EML1: variants seen among roughly 807,000 people sequenced by gnomAD.
EML1 encodes the protein echinoderm microtubule-associated protein-like 1.
In EML1, 27 loss-of-function variants were observed where a neutral mutation model predicts 110.4. That is an observed-to-expected ratio of 0.24 (90% CI 0.18 to 0.34). EML1 has a LOEUF of 0.34. Ranked by LOEUF, EML1 falls within the 10% of genes least tolerant of loss-of-function variation. The pLI, the probability that EML1 is intolerant of heterozygous loss-of-function variation, is 1.00. For synonymous variants in EML1, 344 were observed against 385.8 expected, an observed-to-expected ratio of 0.89 and a Z score of 1.27; for missense variants, 741 against 1,030.9, an observed-to-expected ratio of 0.72 and a Z score of 3.85.
chr14:99,877,120 C>T (rs185972687), intron 3 of EML1, among the ~76,000 whole-genome samples: 8 of 152,072 alleles, frequency 5.3e-5, no homozygotes, highest in African/African-American at 1.9e-4. Flanking sequence ...AGTCCGAGAC[C>T]AGGGGGGCCA....
chr14:99,876,296 T>G (rs2059290332), intron 3 of EML1, among the ~76,000 whole-genome samples: 1 of 152,150 alleles, frequency 6.6e-6, no homozygotes, highest in Non-Finnish European at 1.5e-5. Flanking sequence ...CTTGCTGTGT[T>G]AAGTTCCTCA....
intron 1 of EML1, among the ~76,000 whole-genome samples, chr14:99,845,451 A>T (rs1158969925): frequency 6.6e-6 from 1 of 152,238 alleles, no homozygotes; most frequent in African/African-American, 2.4e-5. Context: ...GGACGTGCAC[A>T]CATCCCCATC....
intron 1 of EML1, among the ~76,000 whole-genome samples, chr14:99,796,004 A>G (rs1042631132): frequency 6.6e-6 from 1 of 152,154 alleles, no homozygotes; most frequent in Non-Finnish European, 1.5e-5. Context: ...TGGGCAACAT[A>G]GCAAGACCCC....
chr14:99,741,390 T>TC (rs1033687183), intron 1 of EML1, among the ~76,000 whole-genome samples: 5 of 151,750 alleles, frequency 3.3e-5, no homozygotes, highest in African/African-American at 1.2e-4. Context: ...CTTTATCACC[T>TC]CCCCCAATGC....
chr14:99,924,476 A>T (rs1455824953), intron 17 of EML1, among the ~76,000 whole-genome samples: 1 of 152,240 alleles, frequency 6.6e-6, no homozygotes, highest in Admixed American at 6.5e-5. Context: ...GTACAGTAAG[A>T]GATTAATGAC....
At chr14:99,797,364 G>A (rs2057794987) in intron 1 of EML1, among the ~76,000 whole-genome samples, 1 of 152,124 alleles carries the variant, frequency 6.6e-6, no homozygotes, top group Non-Finnish European at 1.5e-5. Context: ...GGTTATTTGG[G>A]TTATTTCCAC....
At chr14:99,835,853 T>C (rs2058531668) in intron 1 of EML1, among the ~76,000 whole-genome samples, 1 of 152,234 alleles carries the variant, frequency 6.6e-6, no homozygotes, top group South Asian at 2.1e-4. Flanking sequence ...TGACTGTATT[T>C]GTGTGGGTCT....
chr14:99,929,900 GGAAAGCTAT>G (rs999896828), intron 17 of EML1, among the ~76,000 whole-genome samples: 17 of 152,182 alleles, frequency 1.1e-4, no homozygotes, highest in African/African-American at 4.1e-4. Context: ...GTCAGTCTCA[GGAAAGCTAT>G]GAGGGTTCTG....
chr14:99,740,839 G>A (rs575523272), intron 1 of EML1, among the ~76,000 whole-genome samples: 10 of 152,258 alleles, frequency 6.6e-5, no homozygotes, highest in Admixed American at 2.0e-4. Context: ...GCATAGATGG[G>A]GCCTCAGAAG....
chr14:99,825,132 TG>T (rs1480380494), intron 1 of EML1, among the ~76,000 whole-genome samples: 1 of 152,148 alleles, frequency 6.6e-6, no homozygotes, highest in East Asian at 1.9e-4. Context: ...TACAGGTGTG[TG>T]CCACTATGCT....
At position 99,936,394 on chromosome 14, in the gene EML1, C is replaced by G. The variant is rs2060472186; in HGVS notation, c.2095+60C>G. ...TCTCAGAAAGCGTTCACTCTGAGAT[C>G]CAGGGGGCCTCTGTGAGAACCCACC... On this transcript the variant is annotated intron_variant, in intron 19 of 21. Transcript: ENST00000262233. This position sits in a 1 kb window ranked among gnomAD's most constrained non-coding sequence, Gnocchi z 5.5. The G allele has an allele frequency of 2.0e-6, 3 of 1,513,192 alleles. No individual in the cohort carries two copies. Among genetic ancestry groups the G allele is most frequent in the Non-Finnish European group, 2.7e-6 (3 of 1,096,004 alleles). The allele number at this position is 1,513,192 out of a possible 1,614,324, so 93.7% of individuals were successfully genotyped here.
chr14:99,849,737 G>A (rs1333588441), intron 1 of EML1, among the ~76,000 whole-genome samples: 1 of 151,712 alleles, frequency 6.6e-6, no homozygotes, highest in African/African-American at 2.4e-5. Flanking sequence ...TAGTAGAGAT[G>A]GGGTTTCACC....
At position 99,939,290 on chromosome 14, in the gene EML1, A is replaced by G; in HGVS notation, c.2285A>G (p.Lys762Arg). The change falls in exon 21 of 22, where the codon AAA becomes AGA. Residue 762 changes from lysine (K) to arginine (R), a missense_variant. By Grantham distance (26) the Lys-to-Arg change is conservative. This residue lies in a region of EML1 where 114 missense variants were observed against 122.5 expected (regional missense o/e 0.93). Coordinates refer to ENST00000262233, the MANE Select transcript of EML1 (RefSeq NM_004434.3). This position sits in a 1 kb window ranked among gnomAD's most constrained non-coding sequence, Gnocchi z 4.2. ...CTGTCAACAGGCGACGACTTTGGCA[A>G]AGTGCACCTCTTCTCATACCCCTGC... is the stretch of plus-strand genomic sequence containing the variant. ...KLLSTGDDFGKVHLFSYPCSQ... is the reference protein window; with the variant it reads ...KLLSTGDDFGRVHLFSYPCSQ... The G allele has an allele frequency of 6.2e-7, 1 of 1,614,188 alleles. No homozygotes were observed.
chr14:99,915,412 CA>C (rs11316684), intron 15 of EML1: 39,253 of 86,030 alleles, frequency 0.46, 6,324 homozygotes, highest in East Asian at 0.55. Flanking sequence ...AATTCTGTCT[CA>C]AAAAAAAAAA....
rs574468584 is a variant in EML1, at chr14:99,864,281, A to G, written c.251-1233A>G. The stretch of plus-strand genomic sequence containing the variant: ...CGTGATGTGCAAATATTTTCTCCCA[A>G]TCTATGCCTTGTATTTTAATCCTCT... On this transcript the variant is annotated intron_variant, in intron 2 of 21. Transcript: ENST00000262233. Among the ~76,000 whole-genome samples the G allele has an allele frequency of 2.0e-3, 301 of 152,230 alleles. 1 individual carries two copies. The highest frequency in any genetic ancestry group is 0.018 in the South Asian group (86 of 4,816).
rs137902648 is a variant in EML1 at position 99,844,036 on chromosome 14, A to C, written c.68-6817A>C. Among the ~76,000 whole-genome samples, 200 of 152,320 alleles carry C rather than the reference A, an allele frequency of 1.3e-3. 1 individual carries two copies. The highest frequency in any genetic ancestry group is 4.6e-3 in the African/African-American group (193 of 41,562). On this transcript the variant is annotated intron_variant, in intron 1 of 21. Coordinates refer to ENST00000262233, the MANE Select transcript of EML1 (RefSeq NM_004434.3). Reference sequence around the variant, plus strand: ...AAGGAGAAATGGAGAAATTCCACAGAACTACTGTCCATTCACAAGAAGTTA... The same window carrying C: ...AAGGAGAAATGGAGAAATTCCACAGCACTACTGTCCATTCACAAGAAGTTA...
At position 99,934,164 on chromosome 14, in the gene EML1, T is replaced by G. The variant is rs57555080; in HGVS notation, c.1910-1865T>G. ...TTAAGTGGCCATTGTTAGTAGCATTTTGTGTTTATTGCGGTCATCGTCACT... is the reference window on the plus strand; with the variant it reads ...TTAAGTGGCCATTGTTAGTAGCATTGTGTGTTTATTGCGGTCATCGTCACT... On this transcript the variant is annotated intron_variant, in intron 17 of 21. Transcript: ENST00000262233. Among the ~76,000 whole-genome samples, 766 of 152,298 alleles carry G rather than the reference T, an allele frequency of 5.0e-3. 3 individuals carry two copies. Among genetic ancestry groups the G allele is most frequent in the African/African-American group, 0.017 (726 of 41,556 alleles).
chr14:99,865,392 C>T, intron 2 of EML1, 122 bp from the exon 3 acceptor site: 4 of 1,255,322 alleles, frequency 3.2e-6, no homozygotes, highest in Non-Finnish European at 4.4e-6. Flanking sequence ...CTCACTCGCT[C>T]ACTGCTCACC....
intron 2 of EML1, among the ~76,000 whole-genome samples, chr14:99,861,269 G>A (rs1474473244): frequency 6.6e-6 from 1 of 152,218 alleles, no homozygotes; most frequent in Non-Finnish European, 1.5e-5. Context: ...CGTTCCAAGT[G>A]TGATGACGGT....
Sources: allele counts gnomAD v4.1 joint callset (sites outside exome capture counted in the v4.1 genomes callset), GRCh38; gene constraint gnomAD v4.1.1; regional missense constraint gnomAD v4.1.1; non-coding constraint Gnocchi (gnomAD v3.1); transcripts MANE v1.5; gene names NCBI Gene and HGNC (gene_info 2026-07-23, HGNC 2026-07-21).